ULK4: variants seen among roughly 807,000 people sequenced by gnomAD.
ULK4 encodes the protein inactive serine/threonine-protein kinase ULK4.
ULK4 carries 133 observed loss-of-function variants against 160.6 expected under a neutral mutation model. The ratio of observed to expected loss-of-function variants is 0.83; its 90% CI spans 0.72 to 0.96. The LOEUF is 0.96. Among genes scored for constraint, ULK4 ranks in the 40% least tolerant of loss-of-function variants. ULK4 has a pLI of 0.00. For missense variants in ULK4, 1,580 were observed against 1,499.5 expected (o/e 1.05, Z -0.89); for synonymous variants, 534 against 539.8 (o/e 0.99, Z 0.15).
chr3:41,950,535 G>A (rs1003370028), intron 2 of ULK4, among the ~76,000 whole-genome samples: 9 of 151,778 alleles, frequency 5.9e-5, no homozygotes, highest in South Asian at 2.1e-4. Context: ...GAGCCACCGC[G>A]CCTGGCCCAC....
chr3:41,776,111 C>T (rs1342670475), intron 21 of ULK4, among the ~76,000 whole-genome samples: 1 of 150,954 alleles, frequency 6.6e-6, no homozygotes, highest in African/African-American at 2.5e-5. Context: ...TCTCTGCCAG[C>T]AATTCTGTCA....
At chr3:41,923,175 A>T (rs1699255684) in intron 5 of ULK4, among the ~76,000 whole-genome samples, 1 of 151,806 alleles carries the variant, frequency 6.6e-6, no homozygotes, top group South Asian at 2.1e-4. Flanking sequence ...TCTCAAAAAA[A>T]TAAATAAATA....
At chr3:41,642,973 G>T (rs1175176683) in intron 30 of ULK4, among the ~76,000 whole-genome samples, 1 of 152,150 alleles carries the variant, frequency 6.6e-6, no homozygotes, top group East Asian at 1.9e-4. Context: ...GTGTCTGTTG[G>T]CTGCATAAAT....
chr3:41,374,091 A>T (rs887615547), intron 35 of ULK4, among the ~76,000 whole-genome samples: 6 of 152,230 alleles, frequency 3.9e-5, no homozygotes, highest in Non-Finnish European at 7.3e-5. Context: ...AACCAGGAAG[A>T]AGTTGAATCC....
At chr3:41,496,524 T>C (rs1230275753) in intron 32 of ULK4, among the ~76,000 whole-genome samples, 1 of 151,980 alleles carries the variant, frequency 6.6e-6, no homozygotes, top group Non-Finnish European at 1.5e-5. Context: ...CTTACTTTGC[T>C]GATGAGAAGT....
chr3:41,254,939 C>A (rs1298055587), intron 35 of ULK4, among the ~76,000 whole-genome samples: 1 of 150,690 alleles, frequency 6.6e-6, no homozygotes, highest in East Asian at 1.9e-4. Context: ...GCAAAACAAA[C>A]CCAAACTGGG....
Position 41,900,710 on chromosome 3 carries a change from A to G in ULK4, c.1287+15T>C. The G allele has an allele frequency of 6.2e-7, 1 of 1,600,576 alleles. No individual in the cohort carries two copies. The highest frequency in any genetic ancestry group is 1.1e-5 in the South Asian group (1 of 90,088). On this transcript the variant is annotated intron_variant, in intron 13 of 36. Transcript: ENST00000301831. ...GTAAAGTCTACAACTCAGTTGTTAGAGTGTCTTTCTGCACCTTTGGATTGT... is the reference window on the plus strand; with the variant it reads ...GTAAAGTCTACAACTCAGTTGTTAGGGTGTCTTTCTGCACCTTTGGATTGT...
At chr3:41,690,473 GAAA>G (rs202195091) in intron 27 of ULK4, among the ~76,000 whole-genome samples, 1 of 147,034 alleles carries the variant, frequency 6.8e-6, no homozygotes, top group African/African-American at 2.5e-5. Flanking sequence ...TTTTAAAAAA[GAAA>G]AAAAAAACTT....
intron 32 of ULK4, among the ~76,000 whole-genome samples, chr3:41,500,987 T>C (rs144893502): frequency 7.2e-5 from 11 of 151,850 alleles, no homozygotes; most frequent in Admixed American, 3.9e-4. Context: ...CAGTTACTAA[T>C]TGGCTAATTA....
At chr3:41,492,477 C>G (rs1349135445) in intron 32 of ULK4, among the ~76,000 whole-genome samples, 1 of 150,768 alleles carries the variant, frequency 6.6e-6, no homozygotes, top group Non-Finnish European at 1.5e-5. Flanking sequence ...AAAATCATGC[C>G]AAAATGTAAA....
chr3:41,461,010 A>G (rs2083671516), intron 33 of ULK4, among the ~76,000 whole-genome samples: 1 of 152,122 alleles, frequency 6.6e-6, no homozygotes, highest in African/African-American at 2.4e-5. Context: ...ACTGAGTCTC[A>G]GGCACTTTGT....
At chr3:41,959,832 T>C (rs1483294118) in intron 1 of ULK4, among the ~76,000 whole-genome samples, 2 of 152,110 alleles carry the variant, frequency 1.3e-5, no homozygotes, top group African/African-American at 4.8e-5. Context: ...ATGGTATGTA[T>C]TATAACCAAA....
intron 17 of ULK4, among the ~76,000 whole-genome samples, chr3:41,854,620 A>G (rs947192512): frequency 2.6e-5 from 4 of 152,056 alleles, no homozygotes; most frequent in Admixed American, 2.0e-4. Flanking sequence ...CTGAGCAGAA[A>G]CCTAACTCAA....
intron 32 of ULK4, among the ~76,000 whole-genome samples, chr3:41,556,722 C>T (rs376812503): frequency 6.6e-6 from 1 of 152,066 alleles, no homozygotes; most frequent in South Asian, 2.1e-4. Flanking sequence ...CTGCTGACCT[C>T]GTAATCCGCC....
chr3:41,486,806 G>A (rs1337784499), intron 32 of ULK4, among the ~76,000 whole-genome samples: 2 of 152,050 alleles, frequency 1.3e-5, no homozygotes, highest in Non-Finnish European at 2.9e-5. Context: ...ATACGATCTG[G>A]CCATTGACCA....
intron 5 of ULK4, among the ~76,000 whole-genome samples, chr3:41,929,601 C>A (rs1297766983): frequency 6.6e-6 from 1 of 152,148 alleles, no homozygotes; most frequent in Non-Finnish European, 1.5e-5. Flanking sequence ...ATCGTCTCAG[C>A]CCAACATCTC....
At chr3:41,562,687 C>T (rs1176784961) in intron 32 of ULK4, among the ~76,000 whole-genome samples, 2 of 151,218 alleles carry the variant, frequency 1.3e-5, no homozygotes, top group Non-Finnish European at 3.0e-5. Context: ...GTAACCCCTG[C>T]TTTTTTTTTG....
chr3:41,393,476 A>G (rs961530488), intron 35 of ULK4, among the ~76,000 whole-genome samples: 1 of 152,128 alleles, frequency 6.6e-6, no homozygotes, highest in Non-Finnish European at 1.5e-5. Context: ...CTCAGTGTGT[A>G]GAATACCAAC....
At chr3:41,452,721 C>T (rs1233732656) in intron 34 of ULK4, among the ~76,000 whole-genome samples, 1 of 152,030 alleles carries the variant, frequency 6.6e-6, no homozygotes, top group East Asian at 1.9e-4. Context: ...AGGTTATCAT[C>T]CTTAGGATGA....
Sources: allele counts gnomAD v4.1 joint callset (sites outside exome capture counted in the v4.1 genomes callset), GRCh38; gene constraint gnomAD v4.1.1; transcripts MANE v1.5; gene names NCBI Gene and HGNC (gene_info 2026-07-23, HGNC 2026-07-21).